The following DSCAML1 variants were observed in gnomAD, a reference collection of about 807,000 sequenced individuals.
The protein encoded by DSCAML1 is DS cell adhesion molecule like 1.
Under a neutral mutation model 200.5 loss-of-function variants are expected in DSCAML1, and 38 were observed. The ratio of observed to expected loss-of-function variants is 0.19; its 90% CI spans 0.15 to 0.25. The LOEUF (loss-of-function observed/expected upper bound fraction) is 0.25, where lower values mean the gene tolerates loss of function less well. Ranked by LOEUF, DSCAML1 falls within the 10% of genes least tolerant of loss-of-function variation. The pLI, the probability that DSCAML1 is intolerant of heterozygous loss-of-function variation, is 1.00. For missense variants in DSCAML1, 2,223 were observed against 2,858.8 expected (o/e 0.78, Z 5.07); for synonymous variants, 1,215 against 1,165.0 (o/e 1.04, Z -0.87).
At position 117,463,355 on chromosome 11, in the gene DSCAML1, T is replaced by C. The variant is rs898823873; in HGVS notation, c.3265+1587A>G. 6.6e-6 allele frequency among the ~76,000 whole-genome samples: 1 copy of C among 151,432 alleles called. No individual in the cohort carries two copies. Among genetic ancestry groups the C allele is most frequent in the African/African-American group, 2.4e-5 (1 of 41,182 alleles). The stretch of plus-strand genomic sequence containing the variant: ...GCATTACCTGGGAACTTATTAGAAA[T>C]AATACATCCTTTTTTTTTTTTTTTT... On this transcript the variant is annotated intron_variant, in intron 17 of 32. Transcript: ENST00000651296. This position sits in a 1 kb window ranked among gnomAD's most constrained non-coding sequence, Gnocchi z 4.0.
At chr11:117,741,522 C>T (rs1055356958) in intron 3 of DSCAML1, among the ~76,000 whole-genome samples, 1 of 152,256 alleles carries the variant, frequency 6.6e-6, no homozygotes, top group African/African-American at 2.4e-5. Flanking sequence ...TTTTCTATTA[C>T]AACAGCTTGC....
chr11:117,752,479 C>G (rs970951745), intron 3 of DSCAML1, among the ~76,000 whole-genome samples: 1 of 152,172 alleles, frequency 6.6e-6, no homozygotes, highest in Non-Finnish European at 1.5e-5. Flanking sequence ...GCTAGATCCC[C>G]TAAGAAGCTT....
intron 3 of DSCAML1, among the ~76,000 whole-genome samples, chr11:117,646,233 T>C (rs1775177434): frequency 6.6e-6 from 1 of 151,988 alleles, no homozygotes; most frequent in Non-Finnish European, 1.5e-5. Flanking sequence ...TCTGCAGCCG[T>C]GGCCTGGCCA....
At chr11:117,668,317 C>T (rs915467421) in intron 3 of DSCAML1, among the ~76,000 whole-genome samples, 15 of 152,150 alleles carry the variant, frequency 9.9e-5, no homozygotes, top group Admixed American at 1.3e-4. Flanking sequence ...TATCTCTCTG[C>T]AGGGTGCTTT....
chr11:117,436,095 A>G (rs1418155681), intron 26 of DSCAML1, among the ~76,000 whole-genome samples: 1 of 152,224 alleles, frequency 6.6e-6, no homozygotes, highest in Non-Finnish European at 1.5e-5. Context: ...TTCAGTGCTC[A>G]TTCCCAGAGA....
intron 3 of DSCAML1, among the ~76,000 whole-genome samples, chr11:117,715,280 C>A (rs1364536137): frequency 6.6e-6 from 1 of 152,122 alleles, no homozygotes; most frequent in African/African-American, 2.4e-5. Context: ...TATCTAAAGA[C>A]TCAGCCCAGG....
intron 3 of DSCAML1, among the ~76,000 whole-genome samples, chr11:117,674,504 C>T (rs2053172147): frequency 6.6e-6 from 1 of 152,160 alleles, no homozygotes; most frequent in African/African-American, 2.4e-5. Context: ...GGTACCACGT[C>T]CTCATGATTG....
chr11:117,465,494 C>T (rs1321326272), intron 16 of DSCAML1, among the ~76,000 whole-genome samples: 2 of 152,176 alleles, frequency 1.3e-5, no homozygotes, highest in African/African-American at 2.4e-5. Context: ...CTCTTCTGAA[C>T]GAGGCCTTCC....
intron 3 of DSCAML1, among the ~76,000 whole-genome samples, chr11:117,722,498 G>A (rs2054057554): frequency 6.6e-6 from 1 of 152,072 alleles, no homozygotes; most frequent in African/African-American, 2.4e-5. Context: ...GCAATTTATT[G>A]TATGTTTTAT....
chr11:117,667,058 C>G (rs781668584), intron 3 of DSCAML1, among the ~76,000 whole-genome samples: 27 of 152,158 alleles, frequency 1.8e-4, no homozygotes, highest in Non-Finnish European at 3.2e-4. Context: ...GAGCAACACC[C>G]AGCTTTCCCG....
intron 3 of DSCAML1, among the ~76,000 whole-genome samples, chr11:117,634,611 C>A (rs1349703004): frequency 1.3e-5 from 2 of 152,108 alleles, no homozygotes; most frequent in Non-Finnish European, 2.9e-5. Context: ...AGTGATTTTG[C>A]CTTAATACTC....
chr11:117,726,277 G>A (rs2054129692), intron 3 of DSCAML1, among the ~76,000 whole-genome samples: 1 of 151,882 alleles, frequency 6.6e-6, no homozygotes, highest in African/African-American at 2.4e-5. Flanking sequence ...GTGTGTGTGT[G>A]TGTGTGTGTG....
intron 3 of DSCAML1, among the ~76,000 whole-genome samples, chr11:117,650,544 A>T (rs1471193291): frequency 6.6e-6 from 1 of 152,188 alleles, no homozygotes; most frequent in Non-Finnish European, 1.5e-5. Flanking sequence ...TCGTGCAAAG[A>T]GGCTGTCAGA....
chr11:117,522,272 G>A (rs7941460), intron 5 of DSCAML1, among the ~76,000 whole-genome samples: 5,823 of 152,212 alleles, frequency 0.038, 171 homozygotes, highest in East Asian at 0.12. Context: ...CTCTAGCCCC[G>A]CTGTGTATAA....
intron 3 of DSCAML1, among the ~76,000 whole-genome samples, chr11:117,695,625 C>T (rs1232456754): frequency 6.6e-6 from 1 of 152,096 alleles, no homozygotes; most frequent in African/African-American, 2.4e-5. Flanking sequence ...TATCATGGAA[C>T]CCCAAAACGT....
intron 3 of DSCAML1, among the ~76,000 whole-genome samples, chr11:117,676,670 A>G (rs143243825): frequency 6.6e-6 from 1 of 152,280 alleles, no homozygotes; most frequent in Non-Finnish European, 1.5e-5. Context: ...GTCTGGATGG[A>G]CCAGCAGCTG....
intron 3 of DSCAML1, among the ~76,000 whole-genome samples, chr11:117,573,691 G>GC (rs1240299201): frequency 6.6e-6 from 1 of 152,212 alleles, no homozygotes; most frequent in Non-Finnish European, 1.5e-5. Context: ...ATATGCTTCA[G>GC]CCCCCCGTGG....
At chr11:117,573,920 CTG>C (rs1296086144) in intron 3 of DSCAML1, among the ~76,000 whole-genome samples, 2 of 152,216 alleles carry the variant, frequency 1.3e-5, no homozygotes, top group African/African-American at 4.8e-5. Context: ...CCCTCTGCTG[CTG>C]TGAGTCCCTC....
chr11:117,553,611 A>C (rs2050506544), intron 3 of DSCAML1, among the ~76,000 whole-genome samples: 1 of 152,246 alleles, frequency 6.6e-6, no homozygotes, highest in Non-Finnish European at 1.5e-5. Flanking sequence ...CTATTATTAA[A>C]AAACAAACCC....
Sources: allele counts gnomAD v4.1 joint callset (sites outside exome capture counted in the v4.1 genomes callset), GRCh38; gene constraint gnomAD v4.1.1; non-coding constraint Gnocchi (gnomAD v3.1); transcripts MANE v1.5; gene names NCBI Gene and HGNC (gene_info 2026-07-23, HGNC 2026-07-21).